Variants in NSG1 observed in about 807,000 individuals in gnomAD.
NSG1 encodes the protein neuronal vesicle trafficking-associated protein 1.
In NSG1, 9 loss-of-function variants were observed where a neutral mutation model predicts 19.3. The observed-to-expected ratio is 0.47, with a 90% CI of 0.28 to 0.81. NSG1 has a LOEUF of 0.81. Among genes scored for constraint, NSG1 ranks in the 40% least tolerant of loss-of-function variants. NSG1 has a pLI of 0.11. For missense variants in NSG1, 236 were observed against 242.4 expected (o/e 0.97, Z 0.18); for synonymous variants, 104 against 107.0 (o/e 0.97, Z 0.17).
chr4:4,415,742 C>T lies in NSG1; in HGVS notation c.358-1493C>T, dbSNP rs139312329. The T allele has an allele frequency of 8.2e-5, 17 of 207,780 alleles. 1 individual carries two copies. Among genetic ancestry groups the T allele is most frequent in the African/African-American group, 1.4e-4 (6 of 42,100 alleles). The allele number at this position is 207,780 out of a possible 1,614,324, so 12.9% of individuals were successfully genotyped here. A position where few individuals can be genotyped will look rare whatever the true frequency, so the allele number is the denominator to read the frequency against. On this transcript the variant is annotated intron_variant, in intron 4 of 4. Coordinates refer to ENST00000621129, the MANE Select transcript of NSG1 (RefSeq NM_014392.5). ...GGGCCGCCACTCCACAGGTGTTGGC[C>T]GCATCAGGTCTTGCAGGACTCTGCT...
intron 3 of NSG1, among the ~76,000 whole-genome samples, chr4:4,407,378 CTGAGCTGG>C (rs1416630782): frequency 3.9e-5 from 6 of 151,954 alleles, no homozygotes; most frequent in Admixed American, 3.3e-4. Context: ...TGTAGTGGGT[CTGAGCTGG>C]GGAGATGGGA....
chr4:4,411,624 A>G (rs1429031956), intron 4 of NSG1, among the ~76,000 whole-genome samples: 2 of 152,124 alleles, frequency 1.3e-5, no homozygotes, highest in East Asian at 1.9e-4. Context: ...GGTGCCTGTA[A>G]TCCCAGCTAC....
chr4:4,397,710 G>A (rs1035550752), intron 3 of NSG1, among the ~76,000 whole-genome samples: 4 of 152,150 alleles, frequency 2.6e-5, no homozygotes, highest in Admixed American at 6.5e-5. Context: ...GCTGGGTGGC[G>A]GCCATCACCC....
At chr4:4,391,696 C>A in intron 3 of NSG1, 105 bp downstream of exon 3, 1 of 669,216 alleles carries the variant, frequency 1.5e-6, no homozygotes. Context: ...CGCCGTTTGT[C>A]TGGGCTCATC....
chr4:4,408,449 GT>G (rs1344307006), intron 3 of NSG1, among the ~76,000 whole-genome samples: 1 of 152,192 alleles, frequency 6.6e-6, no homozygotes, highest in Non-Finnish European at 1.5e-5. Context: ...TCTGCACGCT[GT>G]TTTAGCTTTT....
Position 4,417,521 on chromosome 4 carries a change from C to A in NSG1, c.*86C>A. 2 of 1,290,648 alleles carry A rather than the reference C, an allele frequency of 1.5e-6. No individual in the cohort carries two copies. Among genetic ancestry groups the A allele is most frequent in the Non-Finnish European group, 2.2e-6 (2 of 907,378 alleles). 79.9% of individuals were successfully genotyped at this position (1,290,648 alleles called of 1,614,324 possible). A position where few individuals can be genotyped will look rare whatever the true frequency, so the allele number is the denominator to read the frequency against. ...ATTTCATTAAATATAATTACTGATA[C>A]TTTAGAGGTTACTCATTTACGGTGC... On this transcript the variant is annotated 3_prime_UTR_variant, in exon 5 of 5. Transcript: ENST00000621129.
chr4:4,387,561 C>CGGGGGGGGGT, intron 1 of NSG1, 43 bp from the exon 2 acceptor site: 2 of 1,141,988 alleles, frequency 1.8e-6, no homozygotes, highest in Non-Finnish European at 2.5e-6. Flanking sequence ...CGCCCCGCCC[C>CGGGGGGGGGT]GGGTCTTGCT....
At chr4:4,403,455 A>G (rs955525437) in intron 3 of NSG1, among the ~76,000 whole-genome samples, 1 of 152,154 alleles carries the variant, frequency 6.6e-6, no homozygotes, top group Admixed American at 6.5e-5. Flanking sequence ...AATGTCTTCA[A>G]GCTTCTCTCT....
chr4:4,409,828 C>T, intron 4 of NSG1, 145 bp downstream of exon 4: 2 of 671,074 alleles, frequency 3.0e-6, no homozygotes, highest in Non-Finnish European at 5.3e-6. Context: ...CAGGAGTGTC[C>T]CTGTGGAAGG....
At chr4:4,405,591 C>T (rs527880488) in intron 3 of NSG1, among the ~76,000 whole-genome samples, 13 of 152,266 alleles carry the variant, frequency 8.5e-5, no homozygotes, top group Admixed American at 3.3e-4. Flanking sequence ...TGGAGAGGCC[C>T]GTGGCCCTCT....
chr4:4,391,421 T>G (rs1022262583), intron 2 of NSG1, 54 bp from the exon 3 acceptor site: 2 of 1,226,216 alleles, frequency 1.6e-6, no homozygotes, highest in African/African-American at 3.0e-5. Context: ...CCACCCTCTT[T>G]GGGCAGATAT....
At chr4:4,395,349 C>T (rs935764853) in intron 3 of NSG1, among the ~76,000 whole-genome samples, 2 of 152,168 alleles carry the variant, frequency 1.3e-5, no homozygotes, top group East Asian at 3.9e-4. Flanking sequence ...CGAGCCTTTC[C>T]GATGGGGGTG....
chr4:4,418,856 T>G lies in NSG1; in HGVS notation c.*1421T>G, dbSNP rs956422124. On this transcript the variant is annotated 3_prime_UTR_variant, in exon 5 of 5. Coordinates refer to ENST00000621129, the MANE Select transcript of NSG1 (RefSeq NM_014392.5). ...GAGGCGTGTGCTGAGAAGGGTGGTG[T>G]TAAGCTGTGGAAAATGACTCAAGAG... 14 of 152,230 alleles carry G rather than the reference T, an allele frequency of 9.2e-5. No homozygotes were observed. Among genetic ancestry groups the G allele is most frequent in the Non-Finnish European group, 1.9e-4 (13 of 68,036 alleles). 9.4% of individuals were successfully genotyped at this position (152,230 alleles called of 1,614,324 possible).
rs1460563259 is a variant in NSG1, at chr4:4,419,033, CTG to C, written c.*1601_*1602del. The C allele has an allele frequency of 6.6e-6, 1 of 152,266 alleles. No individual in the cohort carries two copies. Among genetic ancestry groups the C allele is most frequent in the African/African-American group, 2.4e-5 (1 of 41,458 alleles). The allele number at this position is 152,266 out of a possible 1,614,324, so 9.4% of individuals were successfully genotyped here. A position where few individuals can be genotyped will look rare whatever the true frequency, so the allele number is the denominator to read the frequency against. On this transcript the variant is annotated 3_prime_UTR_variant, in exon 5 of 5. Transcript: ENST00000621129. ...TACATGTAACTTCTGACATTTCACT[CTG>C]TGCAAATAAAGAACATGAGGATACC...
At chr4:4,391,634 G>T in intron 3 of NSG1, 43 bp downstream of exon 3, 1 of 1,364,728 alleles carries the variant, frequency 7.3e-7, no homozygotes, top group Non-Finnish European at 1.0e-6. Context: ...TTTGCCCCCA[G>T]AAGGGGTCTG....
intron 4 of NSG1, among the ~76,000 whole-genome samples, 190 bp from the exon 5 acceptor site, chr4:4,417,045 G>T (rs1724584313): frequency 6.6e-6 from 1 of 152,180 alleles, no homozygotes; most frequent in Admixed American, 6.5e-5. Context: ...AGTCTATTAA[G>T]AATAATCAAG....
chr4:4,414,030 G>A lies in NSG1; in HGVS notation c.358-3205G>A, dbSNP rs199685869. Among the ~76,000 whole-genome samples the A allele has an allele frequency of 3.9e-4, 59 of 152,216 alleles. No individual in the cohort carries two copies. In the East Asian group the frequency reaches 7.2e-3, roughly 18 times the overall value. ...AGCAGAGGACAGCTTCCTGGGGGCC[G>A]GAAGTCCCCACCGAAACTGGCTACT... On this transcript the variant is annotated intron_variant, in intron 4 of 4. Transcript: ENST00000621129.
At chr4:4,406,889 C>G (rs1406447222) in intron 3 of NSG1, among the ~76,000 whole-genome samples, 2 of 152,252 alleles carry the variant, frequency 1.3e-5, no homozygotes, top group Non-Finnish European at 2.9e-5. Context: ...TGGCTGGGCT[C>G]CTGCCACTGC....
rs114902308 is a variant in NSG1 at position 4,415,191 on chromosome 4, G to A, written c.358-2044G>A. Among the ~76,000 whole-genome samples, 789 of 152,264 alleles carry A rather than the reference G, an allele frequency of 5.2e-3. 9 individuals are homozygous for A. Among genetic ancestry groups the A allele is most frequent in the African/African-American group, 0.018 (750 of 41,574 alleles). On this transcript the variant is annotated intron_variant, in intron 4 of 4. Coordinates refer to ENST00000621129, the MANE Select transcript of NSG1 (RefSeq NM_014392.5). ...CCCAAAGTGCTGGGATTATAGGCAT[G>A]AGCCATCGCACCCGGACCTTAGTGG...
Sources: gnomAD v4.1 joint callset for allele counts (sites outside exome capture counted in the v4.1 genomes callset) on GRCh38, gnomAD v4.1.1 for gene constraint, MANE v1.5 for transcripts, NCBI Gene and HGNC (gene_info 2026-07-23, HGNC 2026-07-21) for gene names.